RBFOX1: variants seen among roughly 807,000 people sequenced by gnomAD.
The protein encoded by RBFOX1 is RNA binding protein fox-1 homolog 1.
RBFOX1 carries 8 observed loss-of-function variants against 57.7 expected under a neutral mutation model. The ratio of observed to expected loss-of-function variants is 0.14; its 90% confidence interval spans 0.08 to 0.25. RBFOX1 has a LOEUF of 0.25. RBFOX1 is among the 10% of genes least tolerant of loss of function. The pLI, the probability that RBFOX1 is intolerant of heterozygous loss-of-function variation, is 1.00. For missense variants in RBFOX1, 611 were observed against 548.5 expected (o/e 1.11, Z -1.14); for synonymous variants, 326 against 222.4 (o/e 1.47, Z -4.15).
intron 1 of RBFOX1, among the ~76,000 whole-genome samples, chr16:5,369,688 C>T (rs1037899631): frequency 1.3e-5 from 2 of 152,220 alleles, no homozygotes; most frequent in Non-Finnish European, 2.9e-5. Context: ...CAAAGCACAC[C>T]TGCTTTCAGA....
intron 3 of RBFOX1, among the ~76,000 whole-genome samples, chr16:5,609,614 T>C (rs1337858402): frequency 1.3e-5 from 2 of 152,154 alleles, no homozygotes; most frequent in African/African-American, 4.8e-5. Flanking sequence ...CCAAACCAAA[T>C]GGGACCCTGT....
intron 2 of RBFOX1, among the ~76,000 whole-genome samples, chr16:6,521,456 CT>C (rs905118496): frequency 4.9e-5 from 7 of 143,418 alleles, no homozygotes; most frequent in African/African-American, 1.8e-4. Flanking sequence ...CTCCCGTCCC[CT>C]CTCCTCTCCT....
chr16:7,364,765 C>G (rs189702717), intron 4 of RBFOX1, among the ~76,000 whole-genome samples: 1 of 152,172 alleles, frequency 6.6e-6, no homozygotes, highest in Admixed American at 6.5e-5. Context: ...TGTGTTCTCT[C>G]TCTAAGGTAA....
At chr16:6,840,965 T>C (rs926303404) in intron 3 of RBFOX1, among the ~76,000 whole-genome samples, 2 of 151,778 alleles carry the variant, frequency 1.3e-5, no homozygotes, top group Non-Finnish European at 2.9e-5. Flanking sequence ...GTTAAGGGTA[T>C]CTACCAGGAG....
chr16:6,725,846 C>T (rs1290817844), intron 3 of RBFOX1, among the ~76,000 whole-genome samples: 1 of 152,044 alleles, frequency 6.6e-6, no homozygotes, highest in East Asian at 1.9e-4. Context: ...TACTGTTTGC[C>T]TTTTTCCAGC....
At chr16:6,573,632 T>C (rs2097376235) in intron 2 of RBFOX1, 1 of 152,202 alleles carries the variant, frequency 6.6e-6, no homozygotes, top group Non-Finnish European at 1.5e-5. Flanking sequence ...CTCTGGAAAA[T>C]AAGGCTTATG....
At chr16:6,683,624 T>C (rs2058998517) in intron 3 of RBFOX1, among the ~76,000 whole-genome samples, 1 of 152,202 alleles carries the variant, frequency 6.6e-6, no homozygotes, top group Non-Finnish European at 1.5e-5. Context: ...TGTGTTTGCA[T>C]ATCCAAACTG....
chr16:6,751,902 T>A (rs765239422), intron 3 of RBFOX1, among the ~76,000 whole-genome samples: 1 of 152,168 alleles, frequency 6.6e-6, no homozygotes, highest in Non-Finnish European at 1.5e-5. Context: ...TTATATGAAT[T>A]TTCCAGGGGT....
At chr16:6,955,764 C>T (rs959606425) in intron 3 of RBFOX1, among the ~76,000 whole-genome samples, 12 of 151,684 alleles carry the variant, frequency 7.9e-5, no homozygotes, top group South Asian at 2.1e-4. Context: ...AGTGCAGTGC[C>T]GCTATCTTGG....
intron 5 of RBFOX1, among the ~76,000 whole-genome samples, chr16:7,567,477 ATGTATGGCCCTATATGTATAT>A (rs2092100753): frequency 1.4e-5 from 1 of 73,582 alleles, no homozygotes. Flanking sequence ...ATATATCCCT[ATGTATGGCCCTATATGTATAT>A]CCCTATGTAT....
chr16:5,902,179 G>T (rs558786822), intron 4 of RBFOX1, among the ~76,000 whole-genome samples: 3 of 151,774 alleles, frequency 2.0e-5, no homozygotes, highest in Admixed American at 6.6e-5. Flanking sequence ...TTTATTTATC[G>T]CCCTCTCTCA....
At chr16:6,018,693 A>G (rs769814790), upstream of RBFOX1, among the ~76,000 whole-genome samples, 1 of 152,154 alleles carries the variant, frequency 6.6e-6, no homozygotes, top group South Asian at 2.1e-4. Flanking sequence ...AAACTTCCTC[A>G]GAGAAGAAAT....
intron 3 of RBFOX1, among the ~76,000 whole-genome samples, chr16:6,898,466 T>G (rs954240331): frequency 6.6e-6 from 1 of 152,188 alleles, no homozygotes; most frequent in East Asian, 1.9e-4. Flanking sequence ...ATCAATTATT[T>G]AAGTCTCATA....
rs1416179774 is a variant in RBFOX1, at chr16:6,163,746, C to T, written c.-127+143754C>T. On this transcript the variant is annotated intron_variant, in intron 1 of 15. Coordinates refer to ENST00000550418, the MANE Select transcript of RBFOX1 (RefSeq NM_018723.4). ...TTGTAAAAATGCCAGGTCAGTCTGA[C>T]ACTGCAACCTAAATCTTCAGTATTT... Among the ~76,000 whole-genome samples the T allele has an allele frequency of 3.3e-5, 5 of 152,304 alleles. No homozygotes were observed. The East Asian group carries it at 9.6e-4, about 29-fold the overall frequency.
chr16:6,700,921 C>A (rs1317300910), intron 3 of RBFOX1, among the ~76,000 whole-genome samples: 1 of 152,276 alleles, frequency 6.6e-6, no homozygotes, highest in Non-Finnish European at 1.5e-5. Flanking sequence ...CCTCGGACTA[C>A]TTAACCATTG....
At chr16:6,577,644 C>A (rs560002009) in intron 2 of RBFOX1, among the ~76,000 whole-genome samples, 4 of 152,168 alleles carry the variant, frequency 2.6e-5, no homozygotes, top group African/African-American at 9.7e-5. Flanking sequence ...CTCTTAGGAA[C>A]CCACCATGTC....
intron 2 of RBFOX1, among the ~76,000 whole-genome samples, chr16:6,478,333 C>T (rs375400402): frequency 1.4e-5 from 2 of 139,088 alleles, no homozygotes; most frequent in South Asian, 2.3e-4. Context: ...AGCGATTCTC[C>T]TGCCTCAGCC....
intron 2 of RBFOX1, chr16:6,483,234 C>T (rs1214512484): frequency 2.7e-5 from 33 of 1,232,386 alleles, no homozygotes; most frequent in Middle Eastern, 6.5e-4. Flanking sequence ...CGGGCCCTGG[C>T]GCCGCCGTGG....
intron 2 of RBFOX1, among the ~76,000 whole-genome samples, chr16:6,341,626 T>C (rs1283455695): frequency 6.6e-6 from 1 of 152,004 alleles, no homozygotes; most frequent in Non-Finnish European, 1.5e-5. Flanking sequence ...CAAACCCTGA[T>C]AGTAAAGCAC....
Sources: gnomAD v4.1 joint callset for allele counts (sites outside exome capture counted in the v4.1 genomes callset) on GRCh38, gnomAD v4.1.1 for gene constraint, MANE v1.5 for transcripts, NCBI Gene and HGNC (gene_info 2026-07-23, HGNC 2026-07-21) for gene names.